Variants in WDR86 observed in about 807,000 individuals in gnomAD.
The protein encoded by WDR86 is WD repeat-containing protein 86.
Under a neutral mutation model 36.5 loss-of-function variants are expected in WDR86, and 30 were observed. That is an observed-to-expected ratio of 0.82 (90% CI 0.61 to 1.11). The LOEUF (loss-of-function observed/expected upper bound fraction) is 1.11. WDR86 is among the 50% of genes most tolerant of loss of function. WDR86 has a pLI of 0.00. For missense variants in WDR86, 545 were observed against 561.2 expected (o/e 0.97, Z 0.29); for synonymous variants, 255 against 252.9 (o/e 1.01, Z -0.08).
downstream of WDR86, chr7:151,374,063 TA>T: frequency 6.5e-7 from 1 of 1,533,736 alleles, no homozygotes; most frequent in East Asian, 2.5e-5. Context: ...TCTCAGTCCC[TA>T]ACTTGGGATG....
At chr7:151,396,595 T>C (rs1799841493) in intron 2 of WDR86, among the ~76,000 whole-genome samples, 1 of 152,180 alleles carries the variant, frequency 6.6e-6, no homozygotes, top group Admixed American at 6.5e-5. Context: ...GTTGAAAAGC[T>C]TCTGGGGATT....
chr7:151,409,625 C>T lies in WDR86; in HGVS notation c.-36G>A. 1.5e-6 allele frequency: 2 copies of T among 1,347,286 alleles called. No individual in the cohort carries two copies. Among genetic ancestry groups the T allele is most frequent in the Admixed American group, 3.7e-5 (1 of 27,204 alleles). 83.5% of individuals were successfully genotyped at this position (1,347,286 alleles called of 1,614,324 possible). On this transcript the variant is annotated 5_prime_UTR_variant, in exon 1 of 6. Coordinates refer to ENST00000334493, the MANE Select transcript of WDR86 (RefSeq NM_198285.3). The surrounding 1 kb of genome is among the most constrained non-coding windows in gnomAD (Gnocchi z 5.2). ...GGGCGGGGAACAAGAAGGAGCTGCGCCCCGCTAGGGAGGGGCGCCCCGGGG... is the reference window on the plus strand; with the variant it reads ...GGGCGGGGAACAAGAAGGAGCTGCGTCCCGCTAGGGAGGGGCGCCCCGGGG...
chr7:151,375,094 G>A (rs1450469209), downstream of WDR86, among the ~76,000 whole-genome samples: 6 of 152,166 alleles, frequency 3.9e-5, no homozygotes, highest in Admixed American at 1.3e-4. Flanking sequence ...CTGCTGAGGC[G>A]GGTGTGGGTG....
chr7:151,403,123 G>A lies in WDR86; in HGVS notation c.164-2882C>T, dbSNP rs138596178. Among the ~76,000 whole-genome samples the A allele has an allele frequency of 7.2e-5, 11 of 152,348 alleles. No individual in the cohort carries two copies. The East Asian group carries it at 1.9e-3, about 27-fold the overall frequency. On this transcript the variant is annotated intron_variant, in intron 1 of 5. Coordinates refer to ENST00000334493, the MANE Select transcript of WDR86 (RefSeq NM_198285.3). ...GATGGCTACACATCGCTTCACTTGT[G>A]TGGATTCAGTGTAGGACTTGGTGAG...
At chr7:151,400,473 C>A (rs1800205395) in intron 1 of WDR86, among the ~76,000 whole-genome samples, 1 of 152,140 alleles carries the variant, frequency 6.6e-6, no homozygotes, top group South Asian at 2.1e-4. Context: ...CCTCTGCCTC[C>A]CGGGTTCAAG....
chr7:151,378,280 C>G (rs889186313), downstream of WDR86: 2 of 152,246 alleles, frequency 1.3e-5, no homozygotes, highest in Non-Finnish European at 2.9e-5. Flanking sequence ...ACTTTCCCTC[C>G]CTTCCAGAAG....
intron 3 of WDR86, among the ~76,000 whole-genome samples, chr7:151,394,659 G>A (rs190784149): frequency 6.6e-6 from 1 of 152,238 alleles, no homozygotes; most frequent in East Asian, 1.9e-4. Context: ...GGATGGTCAC[G>A]GTCGCGGCGG....
downstream of WDR86, among the ~76,000 whole-genome samples, chr7:151,374,859 G>A (rs1367794810): frequency 6.6e-6 from 1 of 152,210 alleles, no homozygotes; most frequent in Non-Finnish European, 1.5e-5. Context: ...AGGTCAGTGA[G>A]AGACAAACTC....
At chr7:151,382,262 C>T (rs1798652439) in intron 4 of WDR86, among the ~76,000 whole-genome samples, 1 of 152,240 alleles carries the variant, frequency 6.6e-6, no homozygotes, top group African/African-American at 2.4e-5. Flanking sequence ...AGTTGGTTTC[C>T]GTGCCTGCTT....
chr7:151,381,565 GC>G lies in WDR86; in HGVS notation c.*16del. On this transcript the variant is annotated 3_prime_UTR_variant, in exon 6 of 6. Transcript: ENST00000334493. This position sits in a 1 kb window ranked among gnomAD's most constrained non-coding sequence, Gnocchi z 4.8. ...CCGCTGGGTGTCTGGGCTGGCGTCT[GC>G]AGGGGCCCCGCGGGATCAGGCCGGC... The G allele has an allele frequency of 7.3e-7, 1 of 1,377,778 alleles. No individual in the cohort carries two copies. Among genetic ancestry groups the G allele is most frequent in the Non-Finnish European group, 9.3e-7 (1 of 1,076,726 alleles). The allele number at this position is 1,377,778 out of a possible 1,614,324, so 85.3% of individuals were successfully genotyped here. A position where few individuals can be genotyped will look rare whatever the true frequency, so the allele number is the denominator to read the frequency against.
rs189729649 is a variant in WDR86 at position 151,406,045 on chromosome 7, G to A, written c.163+3382C>T. On this transcript the variant is annotated intron_variant, in intron 1 of 5. Transcript: ENST00000334493. This position sits in a 1 kb window ranked among gnomAD's most constrained non-coding sequence, Gnocchi z 4.4. Reference sequence around the variant, plus strand: ...AATGAATAAACCTGAAAAAGAGGAGGTCAGGGATAAGCAAGTGGCAAGTAA... The same window carrying A: ...AATGAATAAACCTGAAAAAGAGGAGATCAGGGATAAGCAAGTGGCAAGTAA... Among the ~76,000 whole-genome samples the A allele has an allele frequency of 6.6e-6, 1 of 152,312 alleles. No homozygotes were observed. Among genetic ancestry groups the A allele is most frequent in the East Asian group, 1.9e-4 (1 of 5,178 alleles).
Position 151,409,640 on chromosome 7 carries a change from G to C in WDR86, c.-51C>G. ...AGGAGCTGCGCCCCGCTAGGGAGGG[G>C]CGCCCCGGGGTCCGCGCGGCGGCTC... On this transcript the variant is annotated 5_prime_UTR_variant, in exon 1 of 6. Coordinates refer to ENST00000334493, the MANE Select transcript of WDR86 (RefSeq NM_198285.3). The surrounding 1 kb of genome is among the most constrained non-coding windows in gnomAD (Gnocchi z 5.2). 1 of 1,321,440 alleles carries C rather than the reference G, an allele frequency of 7.6e-7. No individual in the cohort carries two copies. The highest frequency in any genetic ancestry group is 9.6e-7 in the Non-Finnish European group (1 of 1,039,648). 81.9% of individuals were successfully genotyped at this position (1,321,440 alleles called of 1,614,324 possible).
downstream of WDR86, chr7:151,377,008 C>A: frequency 6.7e-7 from 1 of 1,488,936 alleles, no homozygotes; most frequent in Non-Finnish European, 9.0e-7. Context: ...CAGGACAATC[C>A]TCACATAATT....
chr7:151,408,954 C>T lies in WDR86; in HGVS notation c.163+473G>A, dbSNP rs1249352257. 1.1e-5 allele frequency: 5 copies of T among 472,930 alleles called. No individual in the cohort carries two copies. In the East Asian group the frequency reaches 3.4e-4, roughly 33 times the overall value. The allele number at this position is 472,930 out of a possible 1,614,324, so 29.3% of individuals were successfully genotyped here. ...AGTGTGACGACGGCACACTTCTCCG[C>T]ACCGCTGGCCCTTAACAAGCGTCTA... On this transcript the variant is annotated intron_variant, in intron 1 of 5. Transcript: ENST00000334493.
rs1028202271 is a variant in WDR86, at chr7:151,401,077, C to T, written c.164-836G>A. Reference sequence around the variant, plus strand: ...CATGCTTCCCAGCAACCCCCTTGCCCACCTGCTCATGAATAATCAGGTAAG... The same window carrying T: ...CATGCTTCCCAGCAACCCCCTTGCCTACCTGCTCATGAATAATCAGGTAAG... On this transcript the variant is annotated intron_variant, in intron 1 of 5. Transcript: ENST00000334493. This position sits in a 1 kb window ranked among gnomAD's most constrained non-coding sequence, Gnocchi z 4.3. Among the ~76,000 whole-genome samples the T allele has an allele frequency of 1.3e-5, 2 of 152,216 alleles. No individual in the cohort carries two copies. The highest frequency in any genetic ancestry group is 2.4e-5 in the African/African-American group (1 of 41,452).
intron 3 of WDR86, among the ~76,000 whole-genome samples, chr7:151,394,567 T>C (rs1459294002): frequency 6.6e-6 from 1 of 152,154 alleles, no homozygotes; most frequent in Admixed American, 6.5e-5. Context: ...GCCAGGAACA[T>C]CTAGACCCCA....
rs61357306 is a variant in WDR86 at position 151,408,386 on chromosome 7, CAG to C, written c.163+1039_163+1040del. Among the ~76,000 whole-genome samples the C allele has an allele frequency of 4.8e-3, 726 of 152,044 alleles. 5 individuals are homozygous for C. The highest frequency in any genetic ancestry group is 0.017 in the Middle Eastern group (5 of 292). On this transcript the variant is annotated intron_variant, in intron 1 of 5. Coordinates refer to ENST00000334493, the MANE Select transcript of WDR86 (RefSeq NM_198285.3). ...TAATTTTTTGTATTTTTATTAGACA[CAG>C]GGTTTCATCATGTTGGCCAGGCTGG...
chr7:151,391,846 C>T (rs575843768), intron 3 of WDR86, among the ~76,000 whole-genome samples: 112 of 139,858 alleles, frequency 8.0e-4, no homozygotes, highest in African/African-American at 2.6e-3. Context: ...TCCCCAGCCC[C>T]GCCCCTCCCA....
chr7:151,376,460 C>G (rs950466519), downstream of WDR86: 4 of 632,332 alleles, frequency 6.3e-6, no homozygotes, highest in South Asian at 9.6e-5. Flanking sequence ...TCCAAGCCCC[C>G]TTCCAGGTTG....
Sources: gnomAD v4.1 joint callset for allele counts (sites outside exome capture counted in the v4.1 genomes callset) on GRCh38, gnomAD v4.1.1 for gene constraint, Gnocchi (gnomAD v3.1) non-coding constraint, MANE v1.5 for transcripts, NCBI Gene and HGNC (gene_info 2026-07-23, HGNC 2026-07-21) for gene names.